The following DENND1A variants were observed in gnomAD, a reference collection of about 807,000 sequenced individuals.
The protein encoded by DENND1A is DENN domain containing 1A.
DENND1A carries 51 observed loss-of-function variants against 113.7 expected under a neutral mutation model. That is an observed-to-expected ratio of 0.45 (90% confidence interval 0.36 to 0.57). The LOEUF (loss-of-function observed/expected upper bound fraction) is 0.57, where lower values mean the gene tolerates loss of function less well. Among genes scored for constraint, DENND1A ranks in the 20% least tolerant of loss-of-function variants. DENND1A has a pLI of 0.00. For synonymous variants in DENND1A, 565 were observed against 570.8 expected (o/e 0.99, Z 0.14); for missense variants, 1,258 against 1,395.9 (o/e 0.90, Z 1.57).
At chr9:123,721,050 CACTT>C (rs1279314858) in intron 5 of DENND1A, among the ~76,000 whole-genome samples, 2 of 152,182 alleles carry the variant, frequency 1.3e-5, no homozygotes, top group Non-Finnish European at 2.9e-5. Context: ...CCTGCTTGCT[CACTT>C]ACTCTCCACA....
chr9:123,597,470 CT>C (rs1394192780), intron 11 of DENND1A, among the ~76,000 whole-genome samples: 1 of 152,100 alleles, frequency 6.6e-6, no homozygotes, highest in African/African-American at 2.4e-5. Flanking sequence ...CCTCACAGTC[CT>C]TAACAACTTT....
At chr9:123,728,493 A>AC (rs2067896583) in intron 5 of DENND1A, among the ~76,000 whole-genome samples, 1 of 144,998 alleles carries the variant, frequency 6.9e-6, no homozygotes, top group African/African-American at 2.6e-5. Flanking sequence ...AAAAAAAAAA[A>AC]AAAAAAAAAA....
intron 10 of DENND1A, among the ~76,000 whole-genome samples, chr9:123,619,035 C>T (rs1231539534): frequency 6.6e-6 from 1 of 152,210 alleles, no homozygotes; most frequent in Admixed American, 6.5e-5. Flanking sequence ...GCAACCTCCA[C>T]CTCTCAGGTT....
chr9:123,393,117 A>C (rs1050715667), intron 21 of DENND1A, among the ~76,000 whole-genome samples: 1 of 152,206 alleles, frequency 6.6e-6, no homozygotes, highest in Non-Finnish European at 1.5e-5. Context: ...TTATCTGTAA[A>C]ATGGAGATTC....
At chr9:123,664,058 A>G (rs991983145) in intron 8 of DENND1A, among the ~76,000 whole-genome samples, 5 of 152,192 alleles carry the variant, frequency 3.3e-5, no homozygotes, top group Non-Finnish European at 5.9e-5. Context: ...TACATGTCAT[A>G]AAAAGGAAGG....
chr9:123,797,574 G>A (rs777316297), intron 2 of DENND1A, among the ~76,000 whole-genome samples: 17 of 152,080 alleles, frequency 1.1e-4, no homozygotes, highest in Admixed American at 3.3e-4. Context: ...TAAATATAGC[G>A]TTTCAAGGAC....
intron 2 of DENND1A, among the ~76,000 whole-genome samples, chr9:123,799,749 G>C (rs888907376): frequency 4.6e-5 from 7 of 152,168 alleles, no homozygotes; most frequent in Non-Finnish European, 8.8e-5. Flanking sequence ...GAGTGTAATA[G>C]AATTAATAGA....
intron 12 of DENND1A, among the ~76,000 whole-genome samples, chr9:123,573,764 C>T (rs1275726269): frequency 6.6e-6 from 1 of 151,844 alleles, no homozygotes; most frequent in Non-Finnish European, 1.5e-5. Flanking sequence ...TACCTCTTTT[C>T]CCTGTCTTAG....
intron 19 of DENND1A, among the ~76,000 whole-genome samples, chr9:123,417,756 C>G (rs1347155515): frequency 6.6e-6 from 1 of 152,196 alleles, no homozygotes; most frequent in Non-Finnish European, 1.5e-5. Flanking sequence ...AAGGAGGCAC[C>G]TGATTCATTT....
chr9:123,402,412 C>T (rs1428320682), intron 21 of DENND1A: 3 of 456,278 alleles, frequency 6.6e-6, no homozygotes, highest in Admixed American at 2.5e-5. Flanking sequence ...CCCAGCTTGA[C>T]AGCTCGAAAT....
At chr9:123,635,414 C>T (rs2061655276) in intron 9 of DENND1A, among the ~76,000 whole-genome samples, 2 of 152,248 alleles carry the variant, frequency 1.3e-5, no homozygotes, top group African/African-American at 4.8e-5. Context: ...GGACTCACAT[C>T]CAGGTCTGTC....
At chr9:123,823,533 G>A (rs1349750875) in intron 2 of DENND1A, among the ~76,000 whole-genome samples, 1 of 152,172 alleles carries the variant, frequency 6.6e-6, no homozygotes. Flanking sequence ...AAGGACTGAG[G>A]ACTTCATTCG....
intron 1 of DENND1A, among the ~76,000 whole-genome samples, chr9:123,917,167 G>A (rs573187335): frequency 6.6e-5 from 10 of 152,006 alleles, no homozygotes; most frequent in Non-Finnish European, 7.4e-5. Context: ...CCAGGCGACC[G>A]AGCAAGACCC....
chr9:123,885,290 T>C (rs1223053239), intron 1 of DENND1A, among the ~76,000 whole-genome samples: 3 of 152,192 alleles, frequency 2.0e-5, no homozygotes, highest in East Asian at 3.9e-4. Context: ...ACAGTCAAGG[T>C]TGAGAACCAC....
chr9:123,391,618 A>G (rs556638660), intron 21 of DENND1A, among the ~76,000 whole-genome samples: 1 of 152,296 alleles, frequency 6.6e-6, no homozygotes, highest in East Asian at 1.9e-4. Flanking sequence ...TTTTAATGAA[A>G]GGTGAGGTTT....
intron 2 of DENND1A, among the ~76,000 whole-genome samples, chr9:123,856,787 T>C (rs1172555484): frequency 6.6e-6 from 1 of 151,566 alleles, no homozygotes; most frequent in East Asian, 1.9e-4. Context: ...CCCAATTGAG[T>C]TAAGGAAGAC....
chr9:123,449,881 T>C (rs536520317), intron 18 of DENND1A, among the ~76,000 whole-genome samples: 9 of 152,092 alleles, frequency 5.9e-5, no homozygotes, highest in Admixed American at 2.0e-4. Flanking sequence ...AGACTACAAA[T>C]TGGGTTCAGT....
intron 5 of DENND1A, among the ~76,000 whole-genome samples, chr9:123,709,920 A>T (rs751085284): frequency 3.9e-5 from 6 of 152,232 alleles, no homozygotes; most frequent in Non-Finnish European, 7.3e-5. Flanking sequence ...TGTGTGCCAT[A>T]TATTTACCTA....
intron 13 of DENND1A, among the ~76,000 whole-genome samples, chr9:123,458,173 G>A (rs991699305): frequency 6.6e-6 from 1 of 151,722 alleles, no homozygotes; most frequent in Non-Finnish European, 1.5e-5. Context: ...GCTAATTTTT[G>A]TAGTTTTAGT....
Sources: gnomAD v4.1 joint callset for allele counts (sites outside exome capture counted in the v4.1 genomes callset) on GRCh38, gnomAD v4.1.1 for gene constraint, MANE v1.5 for transcripts, NCBI Gene and HGNC (gene_info 2026-07-23, HGNC 2026-07-21) for gene names.